Variants in TTC21B observed in about 807,000 individuals in gnomAD.
TTC21B encodes tetratricopeptide repeat protein 21B.
A neutral mutation model predicts 175.1 loss-of-function variants in TTC21B; 127 were observed. The ratio of observed to expected loss-of-function variants is 0.73; its 90% CI spans 0.63 to 0.84. The LOEUF (loss-of-function observed/expected upper bound fraction) is 0.84, where lower values mean the gene tolerates loss of function less well. Ranked by LOEUF, TTC21B falls within the 40% of genes least tolerant of loss-of-function variation. TTC21B has a pLI of 0.00. For synonymous variants in TTC21B, 524 were observed against 524.5 expected (o/e 1.00, Z 0.01); for missense variants, 1,561 against 1,558.3 (o/e 1.00, Z -0.03).
chr2:165,945,734 CA>C (rs1296478008), intron 3 of TTC21B, 44 bp from the exon 4 acceptor site: 1 of 1,592,100 alleles, frequency 6.3e-7, no homozygotes, highest in Non-Finnish European at 8.6e-7. Flanking sequence ...AATTCTGGAT[CA>C]GGTATTTATA....
chr2:165,938,863 T>A (rs996050795), intron 6 of TTC21B, among the ~76,000 whole-genome samples: 27 of 152,082 alleles, frequency 1.8e-4, no homozygotes, highest in Non-Finnish European at 2.2e-4. Context: ...CTTATTTGGA[T>A]CCTGATTAAA....
At chr2:165,905,099 CA>C (rs1246236778) in intron 19 of TTC21B, among the ~76,000 whole-genome samples, 1 of 151,978 alleles carries the variant, frequency 6.6e-6, no homozygotes, top group Non-Finnish European at 1.5e-5. Context: ...TCCCTATAAA[CA>C]AAGTTTCAAA....
chr2:165,914,395 C>T (rs1421655956), intron 15 of TTC21B, among the ~76,000 whole-genome samples: 2 of 152,090 alleles, frequency 1.3e-5, no homozygotes, highest in East Asian at 3.9e-4. Context: ...TGATAATCTT[C>T]TGGAAATACC....
chr2:165,935,056 A>G (rs559756519), intron 6 of TTC21B, among the ~76,000 whole-genome samples: 2 of 152,260 alleles, frequency 1.3e-5, no homozygotes, highest in African/African-American at 4.8e-5. Context: ...AAGTGGAATG[A>G]CTTCTCTACA....
intron 8 of TTC21B, 148 bp from the exon 9 acceptor site, chr2:165,930,512 T>C (rs1032749683): frequency 7.2e-6 from 4 of 553,632 alleles, no homozygotes; most frequent in Non-Finnish European, 1.2e-5. Context: ...AAATAAAACT[T>C]TCCTATTATC....
At position 165,901,598 on chromosome 2, in the gene TTC21B, T is replaced by C. The variant is rs543422731; in HGVS notation, c.2757+124A>G. 264 of 916,246 alleles carry C rather than the reference T, an allele frequency of 2.9e-4. 5 individuals are homozygous for C. The highest frequency in any genetic ancestry group is 2.7e-3 in the South Asian group (194 of 70,962). The allele number at this position is 916,246 out of a possible 1,614,324, so 56.8% of individuals were successfully genotyped here. On this transcript the variant is annotated intron_variant, in intron 20 of 28. Transcript: ENST00000243344. ...TTGGCCTCCCAAAGGGCTGGGATTA[T>C]AGGCATCAGCCACTGCACCCTGCCT...
rs777066730 is a variant in TTC21B at position 165,899,807 on chromosome 2, A to G, written c.2831T>C (p.Leu944Pro). The G allele has an allele frequency of 1.2e-6, 2 of 1,614,002 alleles. No homozygotes were observed. The highest frequency in any genetic ancestry group is 1.7e-6 in the Non-Finnish European group (2 of 1,179,866). The change falls in exon 21 of 29, where the codon CTG becomes CCG. Residue 944 changes from leucine to proline, a missense_variant. Physicochemically the swap from Leu to Pro is moderately conservative, Grantham distance 98. Transcript: ENST00000243344. ...TTCGTTATCCTGGTCACTCTGAAGCAGTAGAGCACACTGCCGCAGGCAGGA... is the reference window on the plus strand; with the variant it reads ...TTCGTTATCCTGGTCACTCTGAAGCGGTAGAGCACACTGCCGCAGGCAGGA... ...PDSCLRQCAL[L>P]LQSDQDNEAA...
At chr2:165,910,375 C>T (rs1685889091) in intron 18 of TTC21B, among the ~76,000 whole-genome samples, 2 of 151,864 alleles carry the variant, frequency 1.3e-5, no homozygotes, top group Admixed American at 1.3e-4. Flanking sequence ...TGCACTCCAG[C>T]CTGGGCAACA....
intron 5 of TTC21B, among the ~76,000 whole-genome samples, chr2:165,941,897 A>G (rs1295432950): frequency 6.6e-6 from 1 of 152,178 alleles, no homozygotes; most frequent in Non-Finnish European, 1.5e-5. Context: ...GTTATTTCCA[A>G]TGGTGATGCT....
rs181412624 is a variant in TTC21B, at chr2:165,937,278, T to C, written c.710+3749A>G. Among the ~76,000 whole-genome samples the C allele has an allele frequency of 4.2e-4, 64 of 151,802 alleles. 1 individual carries two copies. Among genetic ancestry groups the C allele is most frequent in the African/African-American group, 1.4e-3 (56 of 41,438 alleles). ...TAAAAAGAGCAGTGGTTGCAAGGAGTTGGGGAGATGGAGGGATATATAGCG... is the reference window on the plus strand; with the variant it reads ...TAAAAAGAGCAGTGGTTGCAAGGAGCTGGGGAGATGGAGGGATATATAGCG... On this transcript the variant is annotated intron_variant, in intron 6 of 28. Transcript: ENST00000243344.
At chr2:165,879,139 C>A (rs1244067142) in intron 27 of TTC21B, among the ~76,000 whole-genome samples, 1 of 152,012 alleles carries the variant, frequency 6.6e-6, no homozygotes, top group East Asian at 1.9e-4. Flanking sequence ...CAAAGCAAAG[C>A]TAGAGGAACT....
chr2:165,885,929 G>T (rs914133746), intron 25 of TTC21B, among the ~76,000 whole-genome samples: 12 of 152,188 alleles, frequency 7.9e-5, no homozygotes, highest in Non-Finnish European at 1.3e-4. Flanking sequence ...CAATACAGCT[G>T]TTATTATAAA....
chr2:165,940,939 A>C, intron 6 of TTC21B, 88 bp downstream of exon 6: 1 of 1,462,068 alleles, frequency 6.8e-7, no homozygotes. Context: ...AAATTTAAAA[A>C]CCCTTATGAA....
At chr2:165,947,193 T>TATATATATATA (rs61351063) in intron 3 of TTC21B, 20 of 134,694 alleles carry the variant, frequency 1.5e-4, no homozygotes, top group South Asian at 4.8e-4. Context: ...TATATATATA[T>TATATATATATA]TAGTATCTGC....
chr2:165,890,623 T>C lies in TTC21B; in HGVS notation c.3119A>G (p.Asn1040Ser), dbSNP rs2105291721. ...TTTATTAAAATGTCGAAGGGCATCA[T>C]TTGGTTCTCCAGTGTACCTTGTTAG... ...GLYLWYTGEP[N>S]DALRHFNKAR... Residue 1040 changes from asparagine to serine, a missense_variant, in exon 24 of 29, where the codon AAT (asparagine) becomes AGT (serine). Asn to Ser is a conservative substitution (Grantham distance 46, BLOSUM62 1). Coordinates refer to ENST00000243344, the MANE Select transcript of TTC21B (RefSeq NM_024753.5). 4 of 1,613,778 alleles carry C rather than the reference T, an allele frequency of 2.5e-6. No homozygotes were observed. Among genetic ancestry groups the C allele is most frequent in the Middle Eastern group, 1.7e-4 (1 of 6,058 alleles).
intron 12 of TTC21B, among the ~76,000 whole-genome samples, chr2:165,924,296 A>C (rs1686536755): frequency 6.6e-6 from 1 of 152,170 alleles, no homozygotes; most frequent in South Asian, 2.1e-4. Context: ...AATTTCTGAC[A>C]GACTTTTTTT....
At chr2:165,890,368 C>A (rs1685144932) in intron 24 of TTC21B, 111 bp downstream of exon 24, 2 of 972,330 alleles carry the variant, frequency 2.1e-6, no homozygotes, top group Non-Finnish European at 3.1e-6. Context: ...TTAATTTATT[C>A]ATCTGACCTT....
Position 165,897,798 on chromosome 2 carries a change from C to T in TTC21B, c.2950+888G>A, listed in dbSNP as rs1280739446. Among the ~76,000 whole-genome samples, 4 of 152,148 alleles carry T rather than the reference C, an allele frequency of 2.6e-5. No homozygotes were observed. The South Asian group carries it at 8.3e-4, about 31-fold the overall frequency. ...AGAACTCCAAAAAAGGAAACTCAAA[C>T]AGCAGGCAATGGGGCAAAAGAAGAA... On this transcript the variant is annotated intron_variant, in intron 22 of 28. Coordinates refer to ENST00000243344, the MANE Select transcript of TTC21B (RefSeq NM_024753.5).
chr2:165,930,391 A>T (rs1366303643), intron 8 of TTC21B, 27 bp from the exon 9 acceptor site: 1 of 1,539,342 alleles, frequency 6.5e-7, no homozygotes, highest in African/African-American at 1.4e-5. Flanking sequence ...ATGATGTAAG[A>T]TTTCAAAGTC....
Sources: allele counts gnomAD v4.1 joint callset (sites outside exome capture counted in the v4.1 genomes callset), GRCh38; gene constraint gnomAD v4.1.1; transcripts MANE v1.5; gene names NCBI Gene and HGNC (gene_info 2026-07-23, HGNC 2026-07-21).